NEO1: variants seen among roughly 807,000 people sequenced by gnomAD.
NEO1 encodes neogenin.
Under a neutral mutation model 159.7 loss-of-function variants are expected in NEO1, and 63 were observed. The observed-to-expected ratio is 0.39, with a 90% CI of 0.32 to 0.49. The LOEUF (loss-of-function observed/expected upper bound fraction) is 0.49. NEO1 is among the 20% of genes least tolerant of loss of function. The probability of loss-of-function intolerance (pLI) is 0.85; values close to 1 mark genes in which losing one functional copy is unlikely to be tolerated. For synonymous variants in NEO1, 633 were observed against 662.0 expected (o/e 0.96, Z 0.67); for missense variants, 1,615 against 1,831.0 (o/e 0.88, Z 2.15).
intron 7 of NEO1, among the ~76,000 whole-genome samples, chr15:73,196,766 GT>G (rs965441163): frequency 6.6e-6 from 1 of 152,122 alleles, no homozygotes; most frequent in Non-Finnish European, 1.5e-5. Flanking sequence ...ATCCTATTAG[GT>G]TTCCCTAGTC....
At chr15:73,256,428 A>G (rs1438431913) in intron 13 of NEO1, among the ~76,000 whole-genome samples, 1 of 152,174 alleles carries the variant, frequency 6.6e-6, no homozygotes, top group Non-Finnish European at 1.5e-5. Flanking sequence ...TGAACCGGGG[A>G]GGCAGAGGCC....
At chr15:73,241,834 T>C (rs2039500593) in intron 8 of NEO1, among the ~76,000 whole-genome samples, 3 of 152,252 alleles carry the variant, frequency 2.0e-5, no homozygotes, top group South Asian at 2.1e-4. Context: ...TGACTGATTT[T>C]TTTTAATGGT....
chr15:73,252,279 T>C (rs914969056), intron 11 of NEO1, among the ~76,000 whole-genome samples: 5 of 152,204 alleles, frequency 3.3e-5, no homozygotes, highest in Non-Finnish European at 7.3e-5. Flanking sequence ...CAGCAATTTG[T>C]AAGTGCAGAG....
Position 73,227,887 on chromosome 15 carries a change from A to G in NEO1, c.1292-8460A>G, listed in dbSNP as rs114399079. Among the ~76,000 whole-genome samples, 852 of 152,292 alleles carry G rather than the reference A, an allele frequency of 5.6e-3. 7 individuals carry two copies. The highest frequency in any genetic ancestry group is 0.019 in the African/African-American group (804 of 41,552). ...GAAAGCGAGGATGGGACCAGTCTGGAGGACTTTGAACACTGTCCTGAGATG... is the reference window on the plus strand; with the variant it reads ...GAAAGCGAGGATGGGACCAGTCTGGGGGACTTTGAACACTGTCCTGAGATG... On this transcript the variant is annotated intron_variant, in intron 7 of 28. Coordinates refer to ENST00000261908, the MANE Select transcript of NEO1 (RefSeq NM_002499.4).
intron 4 of NEO1, among the ~76,000 whole-genome samples, chr15:73,128,684 C>T (rs2030665418): frequency 1.3e-5 from 2 of 152,084 alleles, no homozygotes; most frequent in South Asian, 2.1e-4. Flanking sequence ...CAAATTATAT[C>T]AGGAGTGTCA....
intron 1 of NEO1, among the ~76,000 whole-genome samples, chr15:73,073,572 G>A (rs1384738011): frequency 6.6e-6 from 1 of 152,152 alleles, no homozygotes; most frequent in African/African-American, 2.4e-5. Context: ...GGAAGGTTGG[G>A]AGAACACGGG....
chr15:73,196,484 TG>T (rs1375771209), intron 7 of NEO1, among the ~76,000 whole-genome samples: 1 of 152,224 alleles, frequency 6.6e-6, no homozygotes, highest in African/African-American at 2.4e-5. Flanking sequence ...CCAGTGTCTG[TG>T]AGATTATTCA....
At chr15:73,202,371 C>A (rs1024709992) in intron 7 of NEO1, among the ~76,000 whole-genome samples, 18 of 152,094 alleles carry the variant, frequency 1.2e-4, no homozygotes, top group Non-Finnish European at 2.5e-4. Flanking sequence ...TAATAGAGAT[C>A]CTCCTATTCA....
rs999950820 is a variant in NEO1 at position 73,164,977 on chromosome 15, G to A, written c.1016-11426G>A. 5.9e-5 allele frequency among the ~76,000 whole-genome samples: 9 copies of A among 152,238 alleles called. 1 individual carries two copies. In the South Asian group the frequency reaches 1.9e-3, roughly 32 times the overall value. On this transcript the variant is annotated intron_variant, in intron 5 of 28. Transcript: ENST00000261908. Reference sequence around the variant, plus strand: ...GGGGTCTTGCTAAGTTGCCCAAATTGGAGTGCAGTGGTGTAATCATAACTC... The same window carrying A: ...GGGGTCTTGCTAAGTTGCCCAAATTAGAGTGCAGTGGTGTAATCATAACTC...
chr15:73,222,878 A>G (rs1362922676), intron 7 of NEO1, among the ~76,000 whole-genome samples: 1 of 151,962 alleles, frequency 6.6e-6, no homozygotes, highest in African/African-American at 2.4e-5. Flanking sequence ...TTAGAATGTC[A>G]GTTTGTGCTC....
At chr15:73,163,458 C>T (rs947299253) in intron 5 of NEO1, among the ~76,000 whole-genome samples, 2 of 152,078 alleles carry the variant, frequency 1.3e-5, no homozygotes, top group Non-Finnish European at 2.9e-5. Flanking sequence ...AAAGCATTTA[C>T]ATACATGTAC....
At chr15:73,130,015 A>G (rs1309700198) in intron 4 of NEO1, among the ~76,000 whole-genome samples, 1 of 152,122 alleles carries the variant, frequency 6.6e-6, no homozygotes. Flanking sequence ...TTCTTTCTTG[A>G]GACAGAGTCT....
intron 14 of NEO1, 78 bp from the exon 15 acceptor site, chr15:73,260,193 A>G: frequency 7.2e-7 from 1 of 1,379,478 alleles, no homozygotes; most frequent in Non-Finnish European, 1.0e-6. Context: ...GTAGGAAGCT[A>G]AACACCATTC....
rs911306508 is a variant in NEO1, at chr15:73,227,366, C to T, written c.1292-8981C>T. 4.6e-5 allele frequency among the ~76,000 whole-genome samples: 7 copies of T among 152,106 alleles called. No homozygotes were observed. The East Asian group carries it at 1.4e-3, about 29-fold the overall frequency. On this transcript the variant is annotated intron_variant, in intron 7 of 28. Transcript: ENST00000261908. ...CAAAAATTAGCCGGGTATGGTGGCGCATGCCTATAATCCCAGCTACCCGGG... is the reference window on the plus strand; with the variant it reads ...CAAAAATTAGCCGGGTATGGTGGCGTATGCCTATAATCCCAGCTACCCGGG...
chr15:73,236,276 C>T (rs775084152), intron 7 of NEO1, 71 bp from the exon 8 acceptor site: 1 of 1,609,498 alleles, frequency 6.2e-7, no homozygotes, highest in African/African-American at 1.3e-5. Context: ...CCAATGTTTG[C>T]ACATGACAAG....
In NEO1 at chr15:73,249,135, C is replaced by G; in HGVS notation, c.1682C>G (p.Thr561Arg). Residue 561 changes from threonine (T) to arginine (R), a missense_variant, in exon 10 of 29, where the codon ACA becomes AGA. By Grantham distance (71) the Thr-to-Arg change is moderately conservative. Coordinates refer to ENST00000261908, the MANE Select transcript of NEO1 (RefSeq NM_002499.4). ...ACCTCCATCACTGTTACGTGGGAAA[C>G]ACCAGTGTCTGGCAATGGGGAAATT... ...SPTSITVTWETPVSGNGEIQN... is the reference protein window; with the variant it reads ...SPTSITVTWERPVSGNGEIQN... 6.2e-7 allele frequency: 1 copy of G among 1,614,040 alleles called. No homozygotes were observed. Among genetic ancestry groups the G allele is most frequent in the Non-Finnish European group, 8.5e-7 (1 of 1,179,906 alleles).
chr15:73,220,658 C>T (rs889752319), intron 7 of NEO1, among the ~76,000 whole-genome samples: 1 of 152,102 alleles, frequency 6.6e-6, no homozygotes, highest in African/African-American at 2.4e-5. Context: ...AACTTCCCTT[C>T]TCGCTTCATT....
intron 5 of NEO1, among the ~76,000 whole-genome samples, chr15:73,161,121 A>G (rs2034141687): frequency 6.6e-6 from 1 of 152,176 alleles, no homozygotes; most frequent in Non-Finnish European, 1.5e-5. Context: ...TCACAAGCCA[A>G]TATGTTTAAA....
intron 4 of NEO1, among the ~76,000 whole-genome samples, chr15:73,128,673 A>G (rs2030660922): frequency 6.6e-6 from 1 of 152,196 alleles, no homozygotes; most frequent in Admixed American, 6.5e-5. Flanking sequence ...TGAAGAAAAG[A>G]CAAATTATAT....
Sources: gnomAD v4.1 joint callset for allele counts (sites outside exome capture counted in the v4.1 genomes callset) on GRCh38, gnomAD v4.1.1 for gene constraint, MANE v1.5 for transcripts, NCBI Gene and HGNC (gene_info 2026-07-23, HGNC 2026-07-21) for gene names.